GPC5: variants seen among roughly 807,000 people sequenced by gnomAD.
GPC5 encodes the protein glypican-5.
GPC5 carries 47 observed loss-of-function variants against 53.9 expected under a neutral mutation model. The observed-to-expected ratio is 0.87, with a 90% CI of 0.69 to 1.11. GPC5 has a LOEUF of 1.11. Among genes scored for constraint, GPC5 ranks in the 50% most tolerant of loss-of-function variants. GPC5 has a pLI of 0.00. For missense variants in GPC5, 748 were observed against 713.1 expected, an observed-to-expected ratio of 1.05 and a Z score of -0.56; for synonymous variants, 286 against 263.3, an observed-to-expected ratio of 1.09 and a Z score of -0.84.
chr13:91,421,899 G>A (rs1878661556), intron 1 of GPC5, among the ~76,000 whole-genome samples: 1 of 152,224 alleles, frequency 6.6e-6, no homozygotes. Flanking sequence ...GGCATGCTAT[G>A]TAAAGCAGGT....
chr13:91,589,742 G>C (rs898596630), intron 2 of GPC5, among the ~76,000 whole-genome samples: 1 of 152,074 alleles, frequency 6.6e-6, no homozygotes, highest in Admixed American at 6.6e-5. Flanking sequence ...CTGAGTGTCT[G>C]GGTGGCCATG....
chr13:92,720,128 C>T (rs1365328025), intron 7 of GPC5, among the ~76,000 whole-genome samples: 1 of 152,136 alleles, frequency 6.6e-6, no homozygotes, highest in Non-Finnish European at 1.5e-5. Context: ...ACTCTATCTA[C>T]TCTGGCAAAG....
At chr13:91,496,736 C>T (rs140558728) in intron 2 of GPC5, among the ~76,000 whole-genome samples, 5 of 152,086 alleles carry the variant, frequency 3.3e-5, no homozygotes, top group African/African-American at 1.2e-4. Context: ...AACAGGGTGA[C>T]TATGGCAACA....
intron 7 of GPC5, among the ~76,000 whole-genome samples, chr13:92,304,924 C>T (rs998310251): frequency 2.6e-5 from 4 of 152,054 alleles, no homozygotes; most frequent in East Asian, 3.9e-4. Context: ...TTAGTGCCCC[C>T]TAAAAGTGAT....
chr13:91,794,728 T>C (rs2038020774), intron 5 of GPC5, among the ~76,000 whole-genome samples: 1 of 152,246 alleles, frequency 6.6e-6, no homozygotes, highest in Non-Finnish European at 1.5e-5. Context: ...CTATAAACCC[T>C]GGTTCAAGGA....
intron 7 of GPC5, among the ~76,000 whole-genome samples, chr13:92,615,766 C>T (rs1261482461): frequency 1.3e-5 from 2 of 152,060 alleles, no homozygotes; most frequent in African/African-American, 4.8e-5. Flanking sequence ...TAAAACTTCC[C>T]CTACCAGGCT....
At chr13:92,345,389 T>A (rs1406789174) in intron 7 of GPC5, among the ~76,000 whole-genome samples, 2 of 152,110 alleles carry the variant, frequency 1.3e-5, no homozygotes, top group Non-Finnish European at 2.9e-5. Context: ...CACATAGTAG[T>A]AGCATTTAAA....
chr13:92,853,273 A>G (rs899478892), intron 7 of GPC5, among the ~76,000 whole-genome samples: 1 of 152,178 alleles, frequency 6.6e-6, no homozygotes, highest in Non-Finnish European at 1.5e-5. Flanking sequence ...AGTACACTAC[A>G]ATGAGGTATT....
At chr13:91,679,791 A>G (rs1238230730) in intron 2 of GPC5, among the ~76,000 whole-genome samples, 3 of 152,192 alleles carry the variant, frequency 2.0e-5, no homozygotes, top group Non-Finnish European at 4.4e-5. Context: ...TCAATTACAC[A>G]TATTTTTCAT....
intron 7 of GPC5, among the ~76,000 whole-genome samples, chr13:92,160,851 T>C (rs1445199150): frequency 3.3e-5 from 5 of 152,270 alleles, no homozygotes; most frequent in Non-Finnish European, 7.4e-5. Flanking sequence ...AAATTCCAAG[T>C]CTCTCTCCTT....
chr13:91,549,426 C>T (rs1452246278), intron 2 of GPC5, among the ~76,000 whole-genome samples: 1 of 152,012 alleles, frequency 6.6e-6, no homozygotes, highest in Non-Finnish European at 1.5e-5. Context: ...TTTAAAAGCC[C>T]TTCTCTGAAA....
At position 92,519,770 on chromosome 13, in the gene GPC5, A is replaced by G. The variant is rs577444895; in HGVS notation, c.1562-346512A>G. 7.2e-5 allele frequency among the ~76,000 whole-genome samples: 11 copies of G among 152,302 alleles called. No individual in the cohort carries two copies. In the East Asian group the frequency reaches 1.9e-3, roughly 27 times the overall value. ...AAAAGCTAGCAGAAGGCAAGAAATA[A>G]CTAAGATCAGAGAAGAACCGAAGGA... On this transcript the variant is annotated intron_variant, in intron 7 of 7. Coordinates refer to ENST00000377067, the MANE Select transcript of GPC5 (RefSeq NM_004466.6).
rs545729667 is a variant in GPC5 at position 91,949,176 on chromosome 13, A to T, written c.1401+41119A>T. On this transcript the variant is annotated intron_variant, in intron 6 of 7. Transcript: ENST00000377067. ...TTGTTTTGTGCTAACTCACTGCCCT[A>T]TTGCCTTCAGTTGTAACCACCTATT... Among the ~76,000 whole-genome samples the T allele has an allele frequency of 2.1e-4, 32 of 152,264 alleles. 1 individual carries two copies. The highest frequency in any genetic ancestry group is 6.5e-4 in the Admixed American group (10 of 15,304).
At chr13:91,550,978 CTT>C (rs1041016108) in intron 2 of GPC5, among the ~76,000 whole-genome samples, 23 of 152,270 alleles carry the variant, frequency 1.5e-4, no homozygotes, top group African/African-American at 5.5e-4. Flanking sequence ...AACTAAACCT[CTT>C]TATAAATTAC....
intron 7 of GPC5, among the ~76,000 whole-genome samples, chr13:92,508,939 C>T (rs181885099): frequency 1.2e-4 from 19 of 152,214 alleles, no homozygotes; most frequent in East Asian, 3.9e-4. Flanking sequence ...AAGGACTGGG[C>T]GCCTACTCTG....
intron 5 of GPC5, among the ~76,000 whole-genome samples, chr13:91,877,899 G>A (rs138945693): frequency 4.6e-5 from 7 of 152,232 alleles, no homozygotes; most frequent in East Asian, 3.9e-4. Context: ...CATGGGGGCC[G>A]GTCTTTCCTG....
chr13:92,610,099 C>G (rs1358850353), intron 7 of GPC5, among the ~76,000 whole-genome samples: 2 of 143,736 alleles, frequency 1.4e-5, no homozygotes, highest in South Asian at 2.3e-4. Context: ...TAAAGTTGAA[C>G]TTTGTGTTCA....
At chr13:92,338,045 A>G (rs1051159435) in intron 7 of GPC5, among the ~76,000 whole-genome samples, 5 of 152,092 alleles carry the variant, frequency 3.3e-5, no homozygotes, top group African/African-American at 1.2e-4. Context: ...GTAGAAAATA[A>G]TTGCAAAAGA....
Position 92,507,163 on chromosome 13 carries a change from C to T in GPC5, c.1562-359119C>T, listed in dbSNP as rs1327011356. ...CTTCCATTGGTAAATCTGTCCTAAT[C>T]ATTCTCTACTCCCCAGATGAAAGAT... On this transcript the variant is annotated intron_variant, in intron 7 of 7. Coordinates refer to ENST00000377067, the MANE Select transcript of GPC5 (RefSeq NM_004466.6). 2.0e-5 allele frequency among the ~76,000 whole-genome samples: 3 copies of T among 152,298 alleles called. No individual in the cohort carries two copies. In the South Asian group the frequency reaches 6.2e-4, roughly 32 times the overall value.
Sources: gnomAD v4.1 joint callset for allele counts (sites outside exome capture counted in the v4.1 genomes callset) on GRCh38, gnomAD v4.1.1 for gene constraint, MANE v1.5 for transcripts, NCBI Gene and HGNC (gene_info 2026-07-23, HGNC 2026-07-21) for gene names.